The following NKAIN3 variants were observed in gnomAD, a reference collection of about 807,000 sequenced individuals.
NKAIN3 encodes the protein sodium/potassium transporting ATPase interacting 3.
NKAIN3 carries 25 observed loss-of-function variants against 30.2 expected under a neutral mutation model. That is an observed-to-expected ratio of 0.83 (90% CI 0.60 to 1.16). The LOEUF (loss-of-function observed/expected upper bound fraction) is 1.16. Ranked by LOEUF, NKAIN3 falls within the 50% of genes most tolerant of loss-of-function variation. The pLI is 0.00. For synonymous variants in NKAIN3, 91 were observed against 89.6 expected, an observed-to-expected ratio of 1.02 and a Z score of -0.09; for missense variants, 225 against 254.1, an observed-to-expected ratio of 0.89 and a Z score of 0.78.
intron 1 of NKAIN3, among the ~76,000 whole-genome samples, chr8:62,275,055 T>C (rs1340497156): frequency 1.3e-5 from 2 of 152,180 alleles, no homozygotes; most frequent in Non-Finnish European, 2.9e-5. Flanking sequence ...GCAATAAACA[T>C]ACGTGTGCAT....
chr8:62,253,524 GC>G (rs1320169539), intron 1 of NKAIN3, among the ~76,000 whole-genome samples: 1 of 152,080 alleles, frequency 6.6e-6, no homozygotes, highest in Non-Finnish European at 1.5e-5. Flanking sequence ...GTACTATGAT[GC>G]CACCACTCAC....
chr8:62,996,751 C>G (rs557888620), intron 5 of NKAIN3, among the ~76,000 whole-genome samples: 1 of 152,168 alleles, frequency 6.6e-6, no homozygotes, highest in Non-Finnish European at 1.5e-5. Context: ...AGACACCATG[C>G]AAGTCCAAAA....
chr8:62,865,592 A>AT (rs938380066), intron 4 of NKAIN3, among the ~76,000 whole-genome samples: 3 of 152,080 alleles, frequency 2.0e-5, no homozygotes, highest in Non-Finnish European at 4.4e-5. Flanking sequence ...TGCAAATGTC[A>AT]TTTTTTTAAT....
At chr8:62,892,568 A>G (rs1821324780) in intron 4 of NKAIN3, among the ~76,000 whole-genome samples, 1 of 152,230 alleles carries the variant, frequency 6.6e-6, no homozygotes, top group Non-Finnish European at 1.5e-5. Context: ...AAGAAAATAA[A>G]TAAACCAAAT....
chr8:62,505,014 A>G (rs1807585293), intron 1 of NKAIN3, among the ~76,000 whole-genome samples: 1 of 152,200 alleles, frequency 6.6e-6, no homozygotes, highest in Non-Finnish European at 1.5e-5. Context: ...CATTTATTGT[A>G]GTTAATAAGC....
intron 1 of NKAIN3, among the ~76,000 whole-genome samples, chr8:62,268,803 T>G (rs1554660903): frequency 1.3e-5 from 2 of 152,162 alleles, no homozygotes; most frequent in Non-Finnish European, 2.9e-5. Flanking sequence ...TCTCTACTGC[T>G]ACAAAGGCTA....
chr8:62,683,793 G>T (rs1813717274), intron 3 of NKAIN3, among the ~76,000 whole-genome samples: 1 of 152,130 alleles, frequency 6.6e-6, no homozygotes. Flanking sequence ...TCCCTCACAT[G>T]TATTGCCCAC....
intron 3 of NKAIN3, among the ~76,000 whole-genome samples, chr8:62,647,740 T>C (rs995127397): frequency 3.3e-5 from 5 of 152,198 alleles, no homozygotes; most frequent in South Asian, 2.1e-4. Context: ...ATCCCCTCGA[T>C]TGCCGAAAGG....
chr8:62,524,682 CA>C (rs1326276435), intron 1 of NKAIN3, among the ~76,000 whole-genome samples: 1 of 152,164 alleles, frequency 6.6e-6, no homozygotes, highest in African/African-American at 2.4e-5. Context: ...TAGCTACTTA[CA>C]ACATTTCAAG....
At chr8:62,363,399 G>C (rs183673116) in intron 1 of NKAIN3, among the ~76,000 whole-genome samples, 1 of 152,196 alleles carries the variant, frequency 6.6e-6, no homozygotes, top group East Asian at 1.9e-4. Context: ...AGCCCTTATA[G>C]TAGAACAGTA....
chr8:62,616,998 G>T (rs929587549), intron 3 of NKAIN3, among the ~76,000 whole-genome samples: 1 of 152,080 alleles, frequency 6.6e-6, no homozygotes. Context: ...TGATTTATTG[G>T]GAGATCTGGT....
intron 4 of NKAIN3, chr8:62,855,142 A>T (rs1449321041): frequency 8.7e-6 from 2 of 229,304 alleles, no homozygotes; most frequent in African/African-American, 4.6e-5. Context: ...TGGGAGGACT[A>T]CACCTTCACC....
intron 5 of NKAIN3, among the ~76,000 whole-genome samples, chr8:62,925,724 T>C (rs956146683): frequency 4.6e-5 from 7 of 152,182 alleles, no homozygotes; most frequent in African/African-American, 1.7e-4. Flanking sequence ...GTTCTATAGA[T>C]GATGCTTTTG....
chr8:62,801,871 A>G (rs1487062833), intron 4 of NKAIN3, among the ~76,000 whole-genome samples: 1 of 152,212 alleles, frequency 6.6e-6, no homozygotes, highest in Non-Finnish European at 1.5e-5. Context: ...AAAACTTTGA[A>G]AAAAATTTAG....
At chr8:62,873,633 T>A (rs1307516814) in intron 4 of NKAIN3, among the ~76,000 whole-genome samples, 1 of 150,898 alleles carries the variant, frequency 6.6e-6, no homozygotes, top group African/African-American at 2.4e-5. Context: ...ATCATAACAG[T>A]ATCTCAGACC....
At chr8:62,694,326 C>T (rs1814085503) in intron 3 of NKAIN3, among the ~76,000 whole-genome samples, 1 of 152,022 alleles carries the variant, frequency 6.6e-6, no homozygotes, top group Non-Finnish European at 1.5e-5. Context: ...GATGAATAGA[C>T]TTTTAAAAAT....
At chr8:62,341,991 T>A (rs140156506) in intron 1 of NKAIN3, among the ~76,000 whole-genome samples, 22 of 152,128 alleles carry the variant, frequency 1.4e-4, no homozygotes, top group African/African-American at 5.3e-4. Flanking sequence ...CTATAAATTA[T>A]TCAGGAATAA....
intron 3 of NKAIN3, among the ~76,000 whole-genome samples, chr8:62,714,462 T>C (rs976726916): frequency 6.6e-6 from 1 of 152,106 alleles, no homozygotes; most frequent in African/African-American, 2.4e-5. Context: ...CTAATACCTA[T>C]TGAGCACTTT....
chr8:62,904,284 C>G (rs1472681795), intron 4 of NKAIN3, among the ~76,000 whole-genome samples: 2 of 152,124 alleles, frequency 1.3e-5, no homozygotes, highest in Non-Finnish European at 2.9e-5. Flanking sequence ...ATTTCTCTCT[C>G]CCCAGTGAAG....
Sources: gnomAD v4.1 joint callset for allele counts (sites outside exome capture counted in the v4.1 genomes callset) on GRCh38, gnomAD v4.1.1 for gene constraint, MANE v1.5 for transcripts, NCBI Gene and HGNC (gene_info 2026-07-23, HGNC 2026-07-21) for gene names.